The following NALF1 variants were observed in gnomAD, a reference collection of about 807,000 sequenced individuals.
NALF1 encodes the protein NALCN channel auxiliary factor 1, also known as family with sequence similarity 155 member A.
In NALF1, 3 loss-of-function variants were observed where a neutral mutation model predicts 48.4. That is an observed-to-expected ratio of 0.06 (90% confidence interval 0.03 to 0.16). The LOEUF (loss-of-function observed/expected upper bound fraction) is 0.16, where lower values mean the gene tolerates loss of function less well. NALF1 is among the 10% of genes least tolerant of loss of function. The pLI, the probability that NALF1 is intolerant of heterozygous loss-of-function variation, is 1.00. For synonymous variants in NALF1, 262 were observed against 245.7 expected, an observed-to-expected ratio of 1.07 and a Z score of -0.62; for missense variants, 526 against 571.5, an observed-to-expected ratio of 0.92 and a Z score of 0.81.
intron 1 of NALF1, among the ~76,000 whole-genome samples, chr13:107,634,858 G>A (rs529803742): frequency 1.3e-5 from 2 of 152,210 alleles, no homozygotes; most frequent in African/African-American, 4.8e-5. Context: ...TCTACAATGG[G>A]AACTGGATAT....
At chr13:107,447,310 G>A (rs960784147) in intron 1 of NALF1, among the ~76,000 whole-genome samples, 1 of 151,862 alleles carries the variant, frequency 6.6e-6, no homozygotes, top group East Asian at 1.9e-4. Flanking sequence ...ATTTTGTCCT[G>A]CCTTGGCCCT....
At chr13:107,765,301 A>G (rs1297790653) in intron 1 of NALF1, among the ~76,000 whole-genome samples, 1 of 152,170 alleles carries the variant, frequency 6.6e-6, no homozygotes, top group Non-Finnish European at 1.5e-5. Context: ...CAATTCAAAG[A>G]GCTGGGTCTC....
At chr13:107,441,632 A>G (rs1317946072) in intron 1 of NALF1, among the ~76,000 whole-genome samples, 2 of 152,202 alleles carry the variant, frequency 1.3e-5, no homozygotes, top group African/African-American at 4.8e-5. Context: ...TTTAGAATTT[A>G]TTGAATGTGA....
chr13:107,553,105 C>T (rs560728347), intron 1 of NALF1, among the ~76,000 whole-genome samples: 2 of 151,956 alleles, frequency 1.3e-5, no homozygotes, highest in South Asian at 2.1e-4. Flanking sequence ...TGAAAAGCAA[C>T]ACAGGCAAGA....
chr13:107,287,697 CT>C (rs1331816616), intron 1 of NALF1, among the ~76,000 whole-genome samples: 12 of 106,338 alleles, frequency 1.1e-4, no homozygotes, highest in East Asian at 5.0e-4. Context: ...CCTTTCTTTT[CT>C]TTTCTTTCTT....
chr13:107,465,573 T>C (rs1884989163), intron 1 of NALF1, among the ~76,000 whole-genome samples: 2 of 152,182 alleles, frequency 1.3e-5, no homozygotes, highest in African/African-American at 4.8e-5. Flanking sequence ...AATGCATTCC[T>C]TATGTAATGA....
intron 1 of NALF1, among the ~76,000 whole-genome samples, chr13:107,387,989 T>C (rs749794532): frequency 1.4e-4 from 21 of 152,236 alleles, no homozygotes; most frequent in Non-Finnish European, 2.9e-4. Flanking sequence ...ACCCTCACTG[T>C]ACACCTGTGT....
chr13:107,496,104 C>A (rs1367456050), intron 1 of NALF1, among the ~76,000 whole-genome samples: 3 of 152,046 alleles, frequency 2.0e-5, no homozygotes, highest in Non-Finnish European at 2.9e-5. Context: ...CTAAACTGTT[C>A]TTTCTCAATT....
chr13:107,540,046 A>ATG (rs113923190), intron 1 of NALF1, among the ~76,000 whole-genome samples: 3 of 146,266 alleles, frequency 2.1e-5, no homozygotes, highest in African/African-American at 8.0e-5. Context: ...TCAGCTTCTG[A>ATG]TGTACACACA....
intron 1 of NALF1, among the ~76,000 whole-genome samples, chr13:107,595,784 A>C (rs145344109): frequency 6.6e-6 from 1 of 152,316 alleles, no homozygotes; most frequent in African/African-American, 2.4e-5. Context: ...TCAAGGCTCA[A>C]GTAATGCAGC....
At chr13:107,623,688 T>C (rs886310721) in intron 1 of NALF1, among the ~76,000 whole-genome samples, 5 of 152,176 alleles carry the variant, frequency 3.3e-5, no homozygotes, top group African/African-American at 7.2e-5. Flanking sequence ...TGAGGTGGGA[T>C]TGGCCTTCTG....
intron 1 of NALF1, among the ~76,000 whole-genome samples, chr13:107,367,928 CTT>C (rs1015754562): frequency 2.6e-5 from 4 of 152,132 alleles, no homozygotes; most frequent in African/African-American, 9.7e-5. Flanking sequence ...AAGATGCTAT[CTT>C]TGATTTCAGT....
At chr13:107,835,363 C>T (rs1161859946) in intron 1 of NALF1, 1 of 152,186 alleles carries the variant, frequency 6.6e-6, no homozygotes, top group Non-Finnish European at 1.5e-5. Context: ...TGGCTCCTAA[C>T]TCTCACAGAC....
intron 1 of NALF1, among the ~76,000 whole-genome samples, chr13:107,654,876 A>T (rs754998639): frequency 4.1e-4 from 63 of 152,134 alleles, no homozygotes; most frequent in Admixed American, 2.6e-4. Context: ...TACACCACCT[A>T]AATGGAATTA....
At chr13:107,364,262 G>A (rs1883113983) in intron 1 of NALF1, among the ~76,000 whole-genome samples, 1 of 152,124 alleles carries the variant, frequency 6.6e-6, no homozygotes, top group African/African-American at 2.4e-5. Context: ...TCTTATATAT[G>A]AGCATTTGTT....
chr13:107,467,181 C>G (rs1885018097), intron 1 of NALF1, among the ~76,000 whole-genome samples: 1 of 152,010 alleles, frequency 6.6e-6, no homozygotes, highest in Non-Finnish European at 1.5e-5. Context: ...TGTTGGTAGT[C>G]TTTTGAATTT....
chr13:107,540,606 C>T lies in NALF1; in HGVS notation c.915+325076G>A, dbSNP rs1876973028. 4.6e-5 allele frequency among the ~76,000 whole-genome samples: 7 copies of T among 152,158 alleles called. No homozygotes were observed. The South Asian group carries it at 1.5e-3, about 32-fold the overall frequency. On this transcript the variant is annotated intron_variant, in intron 1 of 2. Transcript: ENST00000375915. ...AATCGAAAGCTCTGGCGTTAATTTCCACAGTGACTGCTGGTACTCATGTTG... is the reference window on the plus strand; with the variant it reads ...AATCGAAAGCTCTGGCGTTAATTTCTACAGTGACTGCTGGTACTCATGTTG...
chr13:107,765,561 T>C (rs1877397599), intron 1 of NALF1, among the ~76,000 whole-genome samples: 1 of 152,226 alleles, frequency 6.6e-6, no homozygotes, highest in Non-Finnish European at 1.5e-5. Flanking sequence ...TTTATGTGGA[T>C]GTACATAACT....
At chr13:107,586,580 T>C (rs904444142) in intron 1 of NALF1, among the ~76,000 whole-genome samples, 30 of 150,272 alleles carry the variant, frequency 2.0e-4, no homozygotes, top group Non-Finnish European at 8.9e-5. Context: ...GAATATATTT[T>C]CAAAAAGTAA....
Sources: allele counts gnomAD v4.1 joint callset (sites outside exome capture counted in the v4.1 genomes callset), GRCh38; gene constraint gnomAD v4.1.1; transcripts MANE v1.5; gene names NCBI Gene and HGNC (gene_info 2026-07-23, HGNC 2026-07-21).